The following GALNT13 variants were observed in gnomAD, a reference collection of about 807,000 sequenced individuals.
GALNT13 encodes the protein polypeptide N-acetylgalactosaminyltransferase 13.
GALNT13 carries 28 observed loss-of-function variants against 64.2 expected under a neutral mutation model. The ratio of observed to expected loss-of-function variants is 0.44; its 90% CI spans 0.32 to 0.60. The LOEUF is 0.60. Ranked by LOEUF, GALNT13 falls within the 20% of genes least tolerant of loss-of-function variation. GALNT13 has a pLI of 0.05. For synonymous variants in GALNT13, 214 were observed against 224.6 expected (o/e 0.95, Z 0.42); for missense variants, 577 against 669.8 (o/e 0.86, Z 1.53).
intron 3 of GALNT13, among the ~76,000 whole-genome samples, chr2:154,068,356 T>A (rs10460400): frequency 0.75 from 113,602 of 151,746 alleles, 42,905 homozygotes; most frequent in East Asian, 0.96. Context: ...GCAATCCCAC[T>A]TCTAGGTATA....
chr2:154,116,070 G>C (rs1681531154), intron 3 of GALNT13, among the ~76,000 whole-genome samples: 1 of 152,152 alleles, frequency 6.6e-6, no homozygotes, highest in African/African-American at 2.4e-5. Context: ...TGCCTCAGGG[G>C]AGGCCATGAC....
At chr2:153,301,320 A>AAAAAAAAAAAAG in the GALNT13 span, among the ~76,000 whole-genome samples, 10 of 126,706 alleles carry the variant, frequency 7.9e-5, no homozygotes, top group African/African-American at 2.4e-4. Flanking sequence ...AAAAAAAAAG[A>AAAAAAAAAAAAG]AAAAAAAAAA....
chr2:153,129,160 G>C, the GALNT13 span, among the ~76,000 whole-genome samples: 1 of 152,056 alleles, frequency 6.6e-6, no homozygotes, highest in Non-Finnish European at 1.5e-5. Flanking sequence ...CAGCTTACCG[G>C]GGTACAGGCT....
chr2:154,085,553 G>T (rs1318851802), intron 3 of GALNT13, among the ~76,000 whole-genome samples: 1 of 151,950 alleles, frequency 6.6e-6, no homozygotes, highest in Non-Finnish European at 1.5e-5. Context: ...AAAAACTTTG[G>T]AACTCCAGAG....
intron 9 of GALNT13, among the ~76,000 whole-genome samples, chr2:154,369,346 A>G (rs1383411561): frequency 2.6e-5 from 4 of 152,216 alleles, no homozygotes; most frequent in Non-Finnish European, 5.9e-5. Context: ...AATTTTCTTG[A>G]CTGACGTAAT....
At chr2:153,461,876 C>G in the GALNT13 span, among the ~76,000 whole-genome samples, 1 of 152,096 alleles carries the variant, frequency 6.6e-6, no homozygotes, top group African/African-American at 2.4e-5. Context: ...AGACTTAACT[C>G]TGAGGAAGAA....
intron 3 of GALNT13, among the ~76,000 whole-genome samples, chr2:154,032,246 T>C (rs1574376913): frequency 6.6e-6 from 1 of 152,046 alleles, no homozygotes; most frequent in African/African-American, 2.4e-5. Context: ...AACACGAACT[T>C]TCACTAAAAA....
the GALNT13 span, among the ~76,000 whole-genome samples, chr2:153,272,414 G>GA: frequency 1.8e-4 from 27 of 148,706 alleles, no homozygotes; most frequent in Middle Eastern, 3.4e-3. Flanking sequence ...AAATTTACAA[G>GA]AAAAAAAAAA....
chr2:153,079,858 G>C, the GALNT13 span, among the ~76,000 whole-genome samples: 5 of 152,168 alleles, frequency 3.3e-5, no homozygotes, highest in African/African-American at 1.2e-4. Context: ...GCTGCGCTAT[G>C]GGCAAGGTGT....
At chr2:153,439,429 G>GAGGC in the GALNT13 span, among the ~76,000 whole-genome samples, 1 of 152,208 alleles carries the variant, frequency 6.6e-6, no homozygotes, top group Non-Finnish European at 1.5e-5. Flanking sequence ...GGAGTCTACA[G>GAGGC]AGGCAGGCAG....
At chr2:153,270,603 G>A in the GALNT13 span, among the ~76,000 whole-genome samples, 1 of 152,162 alleles carries the variant, frequency 6.6e-6, no homozygotes, top group Non-Finnish European at 1.5e-5. Context: ...ACTCATGCCT[G>A]TAGTCTCAGC....
At chr2:153,978,813 G>T (rs1694251266) in intron 3 of GALNT13, among the ~76,000 whole-genome samples, 1 of 152,022 alleles carries the variant, frequency 6.6e-6, no homozygotes, top group Admixed American at 6.6e-5. Flanking sequence ...GCTCACACAG[G>T]CAGTCCCAGC....
At chr2:153,513,623 A>G in the GALNT13 span, among the ~76,000 whole-genome samples, 3 of 152,100 alleles carry the variant, frequency 2.0e-5, no homozygotes, top group Non-Finnish European at 4.4e-5. Flanking sequence ...CAGTAATTCC[A>G]TTATTCCTTT....
intron 3 of GALNT13, among the ~76,000 whole-genome samples, chr2:153,972,478 A>T (rs1693805848): frequency 6.6e-6 from 1 of 152,080 alleles, no homozygotes; most frequent in Non-Finnish European, 1.5e-5. Context: ...TTTTTATGGA[A>T]GTCCCCTTAT....
the GALNT13 span, among the ~76,000 whole-genome samples, chr2:153,257,916 C>G: frequency 6.6e-6 from 1 of 152,058 alleles, no homozygotes; most frequent in African/African-American, 2.4e-5. Context: ...AATAAAAGAC[C>G]CTTGGGAAAA....
At chr2:153,633,141 C>A in the GALNT13 span, among the ~76,000 whole-genome samples, 43 of 152,254 alleles carry the variant, frequency 2.8e-4, no homozygotes, top group Admixed American at 1.2e-3. Flanking sequence ...CTATACAAGG[C>A]ATCTTGGTTA....
chr2:153,150,653 T>G, the GALNT13 span, among the ~76,000 whole-genome samples: 8 of 152,086 alleles, frequency 5.3e-5, no homozygotes, highest in Middle Eastern at 3.4e-3. Flanking sequence ...TTTTGTATAA[T>G]GTGTAAGGAA....
Position 154,449,426 on chromosome 2 carries a change from CAAAAAAAAA to C in GALNT13, c.1531-968_1531-960del, listed in dbSNP as rs201483247. ...CCATTTTCAATGTAGTATCATGAGC[CAAAAAAAAA>C]AAAAAAAAAAAAAAAATTTCTTTGC... On this transcript the variant is annotated intron_variant, in intron 12 of 12. Coordinates refer to ENST00000392825, the MANE Select transcript of GALNT13 (RefSeq NM_052917.4). 2.3e-3 allele frequency among the ~76,000 whole-genome samples: 241 copies of C among 105,878 alleles called. 3 individuals carry two copies. The highest frequency in any genetic ancestry group is 7.7e-3 in the African/African-American group (224 of 29,168). The allele number at this position is 105,878 out of a possible 152,430, so 69.5% of individuals were successfully genotyped here.
chr2:154,145,064 C>CTA (rs1226181626), intron 4 of GALNT13, among the ~76,000 whole-genome samples: 49 of 103,026 alleles, frequency 4.8e-4, no homozygotes, highest in Non-Finnish European at 8.9e-4. Flanking sequence ...CTCTCTCTCT[C>CTA]TCTCTCTCTA....
Sources: allele counts gnomAD v4.1 joint callset (sites outside exome capture counted in the v4.1 genomes callset), GRCh38; gene constraint gnomAD v4.1.1; transcripts MANE v1.5; gene names NCBI Gene and HGNC (gene_info 2026-07-23, HGNC 2026-07-21).